NOX5: variants seen among roughly 807,000 people sequenced by gnomAD.
NOX5 encodes NADPH oxidase 5, also known as NADPH oxidase, EF-hand calcium binding domain 5.
NOX5 carries 76 observed loss-of-function variants against 85.7 expected under a neutral mutation model. That is an observed-to-expected ratio of 0.89 (90% CI 0.74 to 1.07). The LOEUF is 1.07. Ranked by LOEUF, NOX5 falls within the 50% of genes least tolerant of loss-of-function variation. The pLI is 0.00. For missense variants in NOX5, 973 were observed against 999.5 expected (o/e 0.97, Z 0.36); for synonymous variants, 405 against 401.4 (o/e 1.01, Z -0.11).
At chr15:69,024,493 C>T (rs2050331974) in intron 1 of NOX5, among the ~76,000 whole-genome samples, 1 of 152,106 alleles carries the variant, frequency 6.6e-6, no homozygotes, top group Non-Finnish European at 1.5e-5. Flanking sequence ...ATCCCTCAGT[C>T]ACTTAGTCGC....
intron 13 of NOX5, 35 bp downstream of exon 13, chr15:69,047,946 C>G: frequency 6.3e-7 from 1 of 1,593,258 alleles, no homozygotes; most frequent in Non-Finnish European, 8.6e-7. Flanking sequence ...GCCTCCAGAC[C>G]TTCTCCCCTG....
At chr15:69,040,372 A>G (rs2050578291) in intron 9 of NOX5, among the ~76,000 whole-genome samples, 1 of 152,226 alleles carries the variant, frequency 6.6e-6, no homozygotes, top group Non-Finnish European at 1.5e-5. Context: ...AAGGAAAACC[A>G]TTGCCAATTA....
At chr15:69,035,621 C>T (rs1471705008) in intron 6 of NOX5, 114 bp downstream of exon 6, 10 of 1,551,020 alleles carry the variant, frequency 6.4e-6, no homozygotes, top group Non-Finnish European at 7.8e-6. Context: ...GAAGGGGTGC[C>T]CTGGATAAGC....
chr15:69,021,815 T>C (rs116489020), intron 1 of NOX5, among the ~76,000 whole-genome samples: 329 of 152,352 alleles, frequency 2.2e-3, no homozygotes, highest in African/African-American at 7.1e-3. Flanking sequence ...TCTTTTATCC[T>C]TAATCATGCT....
At chr15:69,033,013 G>A (rs2050458362) in intron 4 of NOX5, 30 bp from the exon 5 acceptor site, 2 of 1,526,948 alleles carry the variant, frequency 1.3e-6, no homozygotes, top group Non-Finnish European at 1.7e-6. Flanking sequence ...CCCACCGCTC[G>A]CCTCTGAGCG....
chr15:69,033,568 C>T (rs2050470393), intron 5 of NOX5, among the ~76,000 whole-genome samples: 4 of 152,170 alleles, frequency 2.6e-5, no homozygotes, highest in Admixed American at 2.6e-4. Flanking sequence ...CTATAGTGGA[C>T]CCCTGTGCAG....
In NOX5 at chr15:69,038,953, C is replaced by G; in HGVS notation, c.1468C>G (p.His490Asp). The G allele has an allele frequency of 1.9e-6, 3 of 1,614,146 alleles. No individual in the cohort carries two copies. The highest frequency in any genetic ancestry group is 2.5e-6 in the Non-Finnish European group (3 of 1,180,016). The change falls in exon 9 of 16, where the codon CAC becomes GAC. Residue 490 changes from histidine (H) to aspartate (D), a missense_variant. Transcript: ENST00000388866. ...NIPTIARYEW[H>D]PFTISSAPEQ... The stretch of plus-strand genomic sequence containing the variant: ...CCCCACCATTGCTCGCTATGAGTGG[C>G]ACCCCTTCACCATCAGCAGTGCTCC...
chr15:69,035,235 TGG>T, intron 5 of NOX5, 117 bp from the exon 6 acceptor site: 1 of 1,108,952 alleles, frequency 9.0e-7, no homozygotes. Flanking sequence ...CAGGGGACTT[TGG>T]TGAGTGTCCT....
At position 69,031,647 on chromosome 15, in the gene NOX5, C is replaced by A. The variant is rs747701698; in HGVS notation, c.455C>A (p.Ser152Ter). Residue 152 changes from serine (S) to a stop codon, truncating the protein, a stop_gained, in exon 4 of 16, where the codon TCG (serine) becomes TAG (stop). Transcript: ENST00000388866. LOFTEE classifies it high-confidence loss of function. ...DPDELRTVLQ[S>*]CLRESAISLP... ...GATGAGCTGCGCACTGTGCTGCAGT[C>A]GTGTCTGCGCGAGAGCGCCATCTCG... 1.9e-6 allele frequency: 3 copies of A among 1,613,326 alleles called. No homozygotes were observed. Among genetic ancestry groups the A allele is most frequent in the Non-Finnish European group, 1.7e-6 (2 of 1,179,962 alleles).
At chr15:69,025,665 G>A (rs544627017) in intron 1 of NOX5, among the ~76,000 whole-genome samples, 1 of 152,210 alleles carries the variant, frequency 6.6e-6, no homozygotes, top group Admixed American at 6.5e-5. Context: ...AAGTCATTTA[G>A]GGTTATGTTA....
In NOX5 at chr15:69,037,175, G is replaced by A. The variant is rs144275394; in HGVS notation, c.1336G>A (p.Val446Met). The A allele has an allele frequency of 6.1e-4, 984 of 1,613,732 alleles. 1 individual carries two copies. The highest frequency in any genetic ancestry group is 7.1e-4 in the Non-Finnish European group (834 of 1,180,028). Residue 446 changes from valine to methionine, a missense_variant, in exon 8 of 16, where the codon GTG becomes ATG. By Grantham distance (21) the Val-to-Met change is conservative (BLOSUM62 1). Coordinates refer to ENST00000388866, the MANE Select transcript of NOX5 (RefSeq NM_024505.4). The stretch of plus-strand genomic sequence containing the variant: ...ACTGGCAGTGTCCCGCATGGCAGCC[G>A]TGTGCATCATGGAAGTCAACCTCCT... ...IGLAVSRMAA[V>M]CIMEVNLLPS... is the part of the protein sequence containing the mutation.
At position 69,015,363 on chromosome 15, in the gene NOX5, A is replaced by G. The variant is rs369418621; in HGVS notation, c.50+578A>G. On this transcript the variant is annotated intron_variant, in intron 1 of 15. Transcript: ENST00000388866. ...CTCTCCCCTTGCACAGGCCCACCAC[A>G]CTGATCTTGTTTCTGAAAAGTGGGA... Among the ~76,000 whole-genome samples the G allele has an allele frequency of 4.6e-5, 7 of 151,868 alleles. No homozygotes were observed. The East Asian group carries it at 1.2e-3, about 25-fold the overall frequency.
chr15:69,022,678 T>G, intron 1 of NOX5: 1 of 188,202 alleles, frequency 5.3e-6, no homozygotes, highest in Non-Finnish European at 1.1e-5. Flanking sequence ...TGTGATGAAT[T>G]GTGAAAAAAA....
At chr15:69,052,207 GACCCTGTCTCAAAAAAAA>G (rs919079858) in intron 14 of NOX5, among the ~76,000 whole-genome samples, 43 of 147,858 alleles carry the variant, frequency 2.9e-4, no homozygotes, top group African/African-American at 1.1e-3. Flanking sequence ...AACAGAGTAA[GACCCTGTCTCAAAAAAAA>G]AAAAAAATAG....
At chr15:69,032,424 T>G (rs1227091224) in intron 4 of NOX5, among the ~76,000 whole-genome samples, 1 of 151,838 alleles carries the variant, frequency 6.6e-6, no homozygotes, top group South Asian at 2.1e-4. Flanking sequence ...TTTTTTTTTT[T>G]TTCTGAGACG....
intron 9 of NOX5, among the ~76,000 whole-genome samples, chr15:69,041,888 A>G (rs1303883300): frequency 6.7e-6 from 1 of 150,042 alleles, no homozygotes; most frequent in Non-Finnish European, 1.5e-5. Flanking sequence ...TTTTCTTTTT[A>G]GTTCATCAGC....
chr15:69,014,787 T>C lies in NOX5; in HGVS notation c.50+2T>C. 6.5e-7 allele frequency: 1 copy of C among 1,546,106 alleles called. No homozygotes were observed. The highest frequency in any genetic ancestry group is 1.4e-5 in the African/African-American group (1 of 73,028). ...GACGGGCCCTGAAGGCTGTAGAGGG[T>C]GAGTGGCTCATTTGTCCAGCTTTCC... On this transcript the variant is annotated splice_donor_variant, in intron 1 of 15. Transcript: ENST00000388866. LOFTEE classifies it high-confidence loss of function.
At chr15:69,027,787 T>C (rs1306359458) in intron 2 of NOX5, among the ~76,000 whole-genome samples, 1 of 152,120 alleles carries the variant, frequency 6.6e-6, no homozygotes, top group Non-Finnish European at 1.5e-5. Context: ...AATCTATAAG[T>C]CCTTCCCAGA....
chr15:69,031,551 AGT>A lies in NOX5; in HGVS notation c.361_362del (p.Trp121GlyfsTer21). On this transcript the variant is annotated frameshift_variant, in exon 4 of 16. Transcript: ENST00000388866. LOFTEE classifies it high-confidence loss of function. ...CGGCAGGGGGCGTCTGCAGGTACAGAGTGGGGTGCTGGGGCAGGCCCGCACTG... is the reference window on the plus strand; with the variant it reads ...CGGCAGGGGGCGTCTGCAGGTACAGAGGGGTGCTGGGGCAGGCCCGCACTG... The A allele has an allele frequency of 6.2e-7, 1 of 1,611,848 alleles. No individual in the cohort carries two copies. The highest frequency in any genetic ancestry group is 1.1e-5 in the South Asian group (1 of 91,064).
Sources: gnomAD v4.1 joint callset for allele counts (sites outside exome capture counted in the v4.1 genomes callset) on GRCh38, gnomAD v4.1.1 for gene constraint, MANE v1.5 for transcripts, NCBI Gene and HGNC (gene_info 2026-07-23, HGNC 2026-07-21) for gene names.